The following OSBPL3 variants were observed in gnomAD, a reference collection of about 807,000 sequenced individuals.
The protein encoded by OSBPL3 is oxysterol-binding protein-related protein 3.
In OSBPL3, 65 loss-of-function variants were observed where a neutral mutation model predicts 120.1. The ratio of observed to expected loss-of-function variants is 0.54; its 90% CI spans 0.44 to 0.67. The LOEUF is 0.67. OSBPL3 is among the 30% of genes least tolerant of loss of function. The pLI, the probability that OSBPL3 is intolerant of heterozygous loss-of-function variation, is 0.00. For missense variants in OSBPL3, 1,004 were observed against 1,082.1 expected, an observed-to-expected ratio of 0.93 and a Z score of 1.01; for synonymous variants, 416 against 402.6, an observed-to-expected ratio of 1.03 and a Z score of -0.40.
At chr7:24,928,414 A>G (rs911924183) in intron 1 of OSBPL3, among the ~76,000 whole-genome samples, 1 of 151,884 alleles carries the variant, frequency 6.6e-6, no homozygotes, top group African/African-American at 2.4e-5. Context: ...GATGGTCTCG[A>G]TCTCCTGACC....
At chr7:24,825,704 G>A (rs1239035658) in intron 16 of OSBPL3, among the ~76,000 whole-genome samples, 2 of 152,192 alleles carry the variant, frequency 1.3e-5, no homozygotes, top group Non-Finnish European at 2.9e-5. Context: ...CTATGCAGAG[G>A]TGACATGAGT....
Position 24,854,527 on chromosome 7 carries a change from CACACACACACAA to C in OSBPL3, c.1028-1905_1028-1894del, listed in dbSNP as rs1029139439. 6.7e-5 allele frequency among the ~76,000 whole-genome samples: 10 copies of C among 149,898 alleles called. No individual in the cohort carries two copies. Among genetic ancestry groups the C allele is most frequent in the South Asian group, 2.2e-4 (1 of 4,610 alleles). On this transcript the variant is annotated intron_variant, in intron 10 of 22. Coordinates refer to ENST00000313367, the MANE Select transcript of OSBPL3 (RefSeq NM_015550.4). The surrounding 1 kb of genome is among the most constrained non-coding windows in gnomAD (Gnocchi z 4.1). Reference sequence around the variant, plus strand: ...GCACACACACACACACACACACACACACACACACACAAACACACACAATGGTGCTGCCTCTGC... The same window carrying C: ...GCACACACACACACACACACACACACACACACACAATGGTGCTGCCTCTGC...
rs190975951 is a variant in OSBPL3 at position 24,874,528 on chromosome 7, G to C, written c.97-2459C>G. ...AAAGGAAAACAAGAATTAAATCTCA[G>C]AACTATTTCAAAAATTCCTGTTAGA... On this transcript the variant is annotated intron_variant, in intron 2 of 22. Transcript: ENST00000313367. Among the ~76,000 whole-genome samples, 104 of 152,210 alleles carry C rather than the reference G, an allele frequency of 6.8e-4. 2 individuals carry two copies. The East Asian group carries it at 0.015, about 23-fold the overall frequency.
At position 24,834,752 on chromosome 7, in the gene OSBPL3, G is replaced by GCCT; in HGVS notation, c.1496-19_1496-17dup. On this transcript the variant is annotated splice_polypyrimidine_tract_variant and intron_variant, in intron 14 of 22. Transcript: ENST00000313367. This position sits in a 1 kb window ranked among gnomAD's most constrained non-coding sequence, Gnocchi z 5.2. ...AGGACAGGCCCTGAAAGGGAAAGAG[G>GCCT]CCTGGTTGTCTCTATAAAGCTTTTC... The GCCT allele has an allele frequency of 2.5e-6, 4 of 1,575,924 alleles. No homozygotes were observed. The highest frequency in any genetic ancestry group is 3.4e-6 in the Non-Finnish European group (4 of 1,166,328).
At position 24,874,075 on chromosome 7, in the gene OSBPL3, T is replaced by C. The variant is rs187573132; in HGVS notation, c.97-2006A>G. Among the ~76,000 whole-genome samples, 333 of 152,338 alleles carry C rather than the reference T, an allele frequency of 2.2e-3. 1 individual carries two copies. Among genetic ancestry groups the C allele is most frequent in the African/African-American group, 7.2e-3 (301 of 41,570 alleles). ...CTAACCTGCTGTGCTGTGAATAGTA[T>C]GCATCTGATTGGCAAATGAATAAAC... On this transcript the variant is annotated intron_variant, in intron 2 of 22. Transcript: ENST00000313367.
At chr7:24,970,140 C>T (rs527359530) in intron 1 of OSBPL3, among the ~76,000 whole-genome samples, 5 of 137,508 alleles carry the variant, frequency 3.6e-5, no homozygotes, top group African/African-American at 1.3e-4. Context: ...GACGGTGTCT[C>T]GCTCTTGTCG....
chr7:24,892,357 T>C lies in OSBPL3; in HGVS notation c.96+20A>G, dbSNP rs1276738046. 26 of 1,608,002 alleles carry C rather than the reference T, an allele frequency of 1.6e-5. No individual in the cohort carries two copies. Among genetic ancestry groups the C allele is most frequent in the Non-Finnish European group, 2.0e-5 (24 of 1,175,136 alleles). ...ATGGCTTACATTTGCATATTAAAAT[T>C]TGCATGAGTTAAACTTTACCTGTCG... On this transcript the variant is annotated intron_variant, in intron 2 of 22. Coordinates refer to ENST00000313367, the MANE Select transcript of OSBPL3 (RefSeq NM_015550.4).
At position 24,849,126 on chromosome 7, in the gene OSBPL3, G is replaced by A. The variant is rs767082459; in HGVS notation, c.1209C>T (p.Ala403=). The A allele has an allele frequency of 1.5e-5, 25 of 1,613,862 alleles. No individual in the cohort carries two copies. Among genetic ancestry groups the A allele is most frequent in the Admixed American group, 3.3e-5 (2 of 60,002 alleles). The part of the protein sequence containing the change: ...DLKERLRRIH[A]ESLLLDSPAV... ...CGGGGGAGTCGAGGAGCAGAGACTC[G>A]GCATGGATTCTGCGTAAGCGTTCTT... is the stretch of plus-strand genomic sequence containing the variant. The change falls in exon 12 of 23, where the codon GCC becomes GCT. Residue 403 remains alanine, a synonymous_variant. Coordinates refer to ENST00000313367, the MANE Select transcript of OSBPL3 (RefSeq NM_015550.4). The surrounding 1 kb of genome is among the most constrained non-coding windows in gnomAD (Gnocchi z 5.4).
At chr7:24,874,254 C>T (rs1451603812) in intron 2 of OSBPL3, among the ~76,000 whole-genome samples, 3 of 152,144 alleles carry the variant, frequency 2.0e-5, no homozygotes, top group African/African-American at 7.2e-5. Context: ...GTGTGGGTAT[C>T]GTCATTGTTA....
intron 2 of OSBPL3, among the ~76,000 whole-genome samples, chr7:24,880,033 T>C (rs963224910): frequency 2.6e-5 from 4 of 152,158 alleles, no homozygotes; most frequent in Admixed American, 1.3e-4. Context: ...GATGAAAACA[T>C]CCAGCCCATA....
chr7:24,852,558 A>G lies in OSBPL3; in HGVS notation c.1104T>C (p.Asp368=). ...CCTGAGCAGACGGGGAGGAGGAGGCATCCTGCTCCATCAGCTGCTTCAGTT... is the reference window on the plus strand; with the variant it reads ...CCTGAGCAGACGGGGAGGAGGAGGCGTCCTGCTCCATCAGCTGCTTCAGTT... ...REKLKQLMEQ[D]ASSSPSAQVI... Residue 368 remains aspartate (D), a synonymous_variant, in exon 11 of 23, where the codon GAT becomes GAC. Coordinates refer to ENST00000313367, the MANE Select transcript of OSBPL3 (RefSeq NM_015550.4). This position sits in a 1 kb window ranked among gnomAD's most constrained non-coding sequence, Gnocchi z 4.1. 6.2e-7 allele frequency: 1 copy of G among 1,607,588 alleles called. No individual in the cohort carries two copies. The highest frequency in any genetic ancestry group is 8.5e-7 in the Non-Finnish European group (1 of 1,177,504).
chr7:24,944,948 G>C (rs1323078499), intron 1 of OSBPL3, among the ~76,000 whole-genome samples: 1 of 152,064 alleles, frequency 6.6e-6, no homozygotes, highest in African/African-American at 2.4e-5. Flanking sequence ...TTCTTTTCCT[G>C]ATAGATTCCA....
At chr7:24,814,684 T>G (rs1794253289) in intron 19 of OSBPL3, among the ~76,000 whole-genome samples, 1 of 152,186 alleles carries the variant, frequency 6.6e-6, no homozygotes, top group Non-Finnish European at 1.5e-5. Flanking sequence ...CATTCTGCTT[T>G]CTTTCTCTGT....
chr7:24,859,010 G>GAC (rs1800171925), intron 10 of OSBPL3, among the ~76,000 whole-genome samples: 1 of 152,204 alleles, frequency 6.6e-6, no homozygotes, highest in Admixed American at 6.5e-5. Context: ...ATTCTTTGAA[G>GAC]ATCCTTTAAG....
In OSBPL3 at chr7:24,821,450, T is replaced by C. The variant is rs1323980040; in HGVS notation, c.1885-1212A>G. ...ACAGGTGGGGAGGAAGGGAGGGCAG[T>C]GGGTGACAAATCCACAGCTGTTCAC... On this transcript the variant is annotated intron_variant, in intron 16 of 22. Transcript: ENST00000313367. This position sits in a 1 kb window ranked among gnomAD's most constrained non-coding sequence, Gnocchi z 5.5. Among the ~76,000 whole-genome samples the C allele has an allele frequency of 6.6e-6, 1 of 152,134 alleles. No individual in the cohort carries two copies. Among genetic ancestry groups the C allele is most frequent in the Non-Finnish European group, 1.5e-5 (1 of 68,014 alleles).
At position 24,806,934 on chromosome 7, in the gene OSBPL3, T is replaced by C. The variant is rs753485546; in HGVS notation, c.2318-32A>G. 15 of 1,568,284 alleles carry C rather than the reference T, an allele frequency of 9.6e-6. No individual in the cohort carries two copies. Among genetic ancestry groups the C allele is most frequent in the Non-Finnish European group, 1.0e-5 (12 of 1,154,106 alleles). ...AGAAAATAAATCATTCACCCCTAAC[T>C]TGCATGTTACTTATGTTACATTTTA... On this transcript the variant is annotated intron_variant, in intron 20 of 22. Transcript: ENST00000313367. The surrounding 1 kb of genome is among the most constrained non-coding windows in gnomAD (Gnocchi z 5.2).
rs56135680 is a variant in OSBPL3, at chr7:24,947,778, T to TCACACACACACA, written c.-150+32096_-150+32107dup. ...ATGTATACATACATATCCAATTAAATCACACACACACACACACACACACAC... is the reference window on the plus strand; with the variant it reads ...ATGTATACATACATATCCAATTAAATCACACACACACACACACACACACACACACACACACAC... On this transcript the variant is annotated intron_variant, in intron 1 of 22. Transcript: ENST00000313367. The surrounding 1 kb of genome is among the most constrained non-coding windows in gnomAD (Gnocchi z 4.4). 5.4e-3 allele frequency among the ~76,000 whole-genome samples: 797 copies of TCACACACACACA among 148,208 alleles called. 5 individuals carry two copies. The highest frequency in any genetic ancestry group is 0.019 in the African/African-American group (762 of 40,138).
chr7:24,901,815 A>G (rs1477467494), intron 1 of OSBPL3, among the ~76,000 whole-genome samples: 1 of 152,230 alleles, frequency 6.6e-6, no homozygotes, highest in Non-Finnish European at 1.5e-5. Context: ...AGCTCAAGCT[A>G]TATCATCTGA....
chr7:24,955,713 C>A lies in OSBPL3; in HGVS notation c.-150+24173G>T, dbSNP rs1197296901. Among the ~76,000 whole-genome samples the A allele has an allele frequency of 6.6e-6, 1 of 152,238 alleles. No homozygotes were observed. The highest frequency in any genetic ancestry group is 1.9e-4 in the East Asian group (1 of 5,202). On this transcript the variant is annotated intron_variant, in intron 1 of 22. Transcript: ENST00000313367. The surrounding 1 kb of genome is among the most constrained non-coding windows in gnomAD (Gnocchi z 4.3). ...CTCCACAGCACTTACTATCACCTGACATACATATTTATTTGCTTATAATGC... is the reference window on the plus strand; with the variant it reads ...CTCCACAGCACTTACTATCACCTGAAATACATATTTATTTGCTTATAATGC...
Sources: allele counts gnomAD v4.1 joint callset (sites outside exome capture counted in the v4.1 genomes callset), GRCh38; gene constraint gnomAD v4.1.1; non-coding constraint Gnocchi (gnomAD v3.1); transcripts MANE v1.5; gene names NCBI Gene and HGNC (gene_info 2026-07-23, HGNC 2026-07-21).